The following METTL15 variants were observed in gnomAD, a reference collection of about 807,000 sequenced individuals.
The protein encoded by METTL15 is 12S rRNA N(4)-cytidine methyltransferase METTL15.
METTL15 carries 34 observed loss-of-function variants against 38.3 expected under a neutral mutation model. The ratio of observed to expected loss-of-function variants is 0.89; its 90% CI spans 0.68 to 1.18. The LOEUF (loss-of-function observed/expected upper bound fraction) is 1.18, where lower values mean the gene tolerates loss of function less well. Among genes scored for constraint, METTL15 ranks in the 50% most tolerant of loss-of-function variants. The probability of loss-of-function intolerance (pLI) is 0.00; values close to 1 mark genes in which losing one functional copy is unlikely to be tolerated. For synonymous variants in METTL15, 162 were observed against 170.9 expected (o/e 0.95, Z 0.41); for missense variants, 438 against 498.4 (o/e 0.88, Z 1.15).
chr11:28,456,177 T>TTA (rs1851167046), intron 6 of METTL15, among the ~76,000 whole-genome samples: 3 of 151,848 alleles, frequency 2.0e-5, no homozygotes, highest in South Asian at 2.1e-4. Flanking sequence ...GGCTAATTTT[T>TTA]AAAAAAAATT....
intron 6 of METTL15, among the ~76,000 whole-genome samples, chr11:28,522,589 T>C (rs1406329193): frequency 6.6e-6 from 1 of 152,164 alleles, no homozygotes; most frequent in Non-Finnish European, 1.5e-5. Context: ...CCCAGAATAA[T>C]GTATCTAGGT....
At chr11:28,264,383 G>A (rs1304675939) in intron 4 of METTL15, among the ~76,000 whole-genome samples, 2 of 152,038 alleles carry the variant, frequency 1.3e-5, no homozygotes, top group African/African-American at 4.8e-5. Flanking sequence ...AATATAATTA[G>A]TAGTTGTCTG....
intron 3 of METTL15, among the ~76,000 whole-genome samples, chr11:28,345,034 A>G (rs1849984784): frequency 6.6e-6 from 1 of 152,216 alleles, no homozygotes; most frequent in Non-Finnish European, 1.5e-5. Context: ...CTTACAGCAC[A>G]TCTCAATTTG....
intron 6 of METTL15, among the ~76,000 whole-genome samples, chr11:28,503,078 T>C (rs891693384): frequency 6.6e-6 from 1 of 152,196 alleles, no homozygotes; most frequent in Non-Finnish European, 1.5e-5. Flanking sequence ...ACATTGTCCT[T>C]GAACGCCTCC....
At chr11:28,116,175 T>C (rs1851948432) in intron 3 of METTL15, among the ~76,000 whole-genome samples, 1 of 152,156 alleles carries the variant, frequency 6.6e-6, no homozygotes, top group African/African-American at 2.4e-5. Flanking sequence ...CCTTCTTTAA[T>C]CCTGCCATGA....
chr11:28,145,987 A>G (rs1849869083), intron 3 of METTL15, among the ~76,000 whole-genome samples: 1 of 152,070 alleles, frequency 6.6e-6, no homozygotes, highest in South Asian at 2.1e-4. Flanking sequence ...GAGATATTTA[A>G]ATATGGCTTG....
intron 4 of METTL15, among the ~76,000 whole-genome samples, chr11:28,286,526 G>C (rs1162648629): frequency 3.3e-5 from 5 of 152,062 alleles, no homozygotes; most frequent in Admixed American, 6.6e-5. Context: ...TGTATGAAAG[G>C]CTGCTCTGGG....
downstream of METTL15, among the ~76,000 whole-genome samples, chr11:28,531,531 T>C (rs960660873): frequency 1.3e-5 from 2 of 152,056 alleles, no homozygotes; most frequent in Non-Finnish European, 2.9e-5. Flanking sequence ...TCAGATACTT[T>C]CTGTGTGACT....
At chr11:28,466,374 G>A (rs1851256853) in intron 6 of METTL15, among the ~76,000 whole-genome samples, 1 of 152,176 alleles carries the variant, frequency 6.6e-6, no homozygotes. Flanking sequence ...TTAATAAAGA[G>A]TTTGAAAACA....
intron 3 of METTL15, among the ~76,000 whole-genome samples, chr11:28,202,373 C>T (rs889669932): frequency 6.6e-6 from 1 of 152,000 alleles, no homozygotes; most frequent in Non-Finnish European, 1.5e-5. Flanking sequence ...GTCCATCTTG[C>T]CACTGACTGG....
At chr11:28,276,153 T>C (rs1425444816) in intron 4 of METTL15, among the ~76,000 whole-genome samples, 1 of 152,064 alleles carries the variant, frequency 6.6e-6, no homozygotes, top group African/African-American at 2.4e-5. Flanking sequence ...GGAAGTCAAA[T>C]TATTCCTCTT....
intron 3 of METTL15, among the ~76,000 whole-genome samples, chr11:28,151,966 T>C (rs1850105049): frequency 6.6e-6 from 1 of 152,042 alleles, no homozygotes; most frequent in African/African-American, 2.4e-5. Context: ...TAATCAAATA[T>C]AGTTATTTGC....
At chr11:28,333,653 T>G (rs1590336489), downstream of METTL15, 1 of 152,000 alleles carries the variant, frequency 6.6e-6, no homozygotes, top group East Asian at 1.9e-4. Flanking sequence ...TATTTTATTT[T>G]TAAAATTGTA....
intron 3 of METTL15, among the ~76,000 whole-genome samples, chr11:28,205,860 A>AC (rs1166080835): frequency 6.7e-6 from 1 of 149,912 alleles, no homozygotes; most frequent in African/African-American, 2.5e-5. Context: ...ATGGCCAGTG[A>AC]TGGTGAGCAT....
chr11:28,145,652 C>T (rs528613229), intron 3 of METTL15: 1 of 151,920 alleles, frequency 6.6e-6, no homozygotes, highest in Non-Finnish European at 1.5e-5. Context: ...TCTCCCAACC[C>T]AATGGCATTT....
chr11:28,503,746 G>A (rs752146891), intron 6 of METTL15, among the ~76,000 whole-genome samples: 7 of 151,450 alleles, frequency 4.6e-5, no homozygotes, highest in South Asian at 2.1e-4. Flanking sequence ...AGCCAAGATC[G>A]TGCCACTGCA....
chr11:28,148,339 C>G (rs1451370161), intron 3 of METTL15, among the ~76,000 whole-genome samples: 2 of 151,844 alleles, frequency 1.3e-5, no homozygotes, highest in Admixed American at 1.3e-4. Context: ...CTGATTGCTT[C>G]AAAGGTACAA....
At chr11:28,273,697 G>A (rs1477259467) in intron 4 of METTL15, among the ~76,000 whole-genome samples, 1 of 151,744 alleles carries the variant, frequency 6.6e-6, no homozygotes, top group Admixed American at 6.6e-5. Context: ...CTAATTATTG[G>A]GACACTGTAT....
chr11:28,420,686 A>T (rs1850811878), intron 5 of METTL15, among the ~76,000 whole-genome samples: 1 of 152,108 alleles, frequency 6.6e-6, no homozygotes, highest in East Asian at 1.9e-4. Flanking sequence ...ATGGAAACAC[A>T]ACATTCCAAA....
Sources: allele counts gnomAD v4.1 joint callset (sites outside exome capture counted in the v4.1 genomes callset), GRCh38; gene constraint gnomAD v4.1.1; transcripts MANE v1.5; gene names NCBI Gene and HGNC (gene_info 2026-07-23, HGNC 2026-07-21).